Variants in SGCG observed in about 807,000 individuals in gnomAD.
SGCG encodes gamma-sarcoglycan.
A neutral mutation model predicts 29.3 loss-of-function variants in SGCG; 26 were observed. That is an observed-to-expected ratio of 0.89 (90% CI 0.65 to 1.23). SGCG has a LOEUF of 1.23. SGCG is among the 50% of genes most tolerant of loss of function. The pLI is 0.00. For synonymous variants in SGCG, 145 were observed against 129.7 expected (o/e 1.12, Z -0.80); for missense variants, 353 against 356.0 (o/e 0.99, Z 0.07).
intron 4 of SGCG, among the ~76,000 whole-genome samples, chr13:23,273,981 A>G (rs1164182207): frequency 6.6e-6 from 1 of 152,112 alleles, no homozygotes; most frequent in Non-Finnish European, 1.5e-5. Context: ...TAGCATTATT[A>G]GTGTGTTCTG....
At chr13:23,229,263 C>G (rs1325934755) in intron 2 of SGCG, among the ~76,000 whole-genome samples, 1 of 152,070 alleles carries the variant, frequency 6.6e-6, no homozygotes, top group East Asian at 1.9e-4. Context: ...GAACACAACG[C>G]ATGCATGTGT....
chr13:23,200,120 T>TA (rs950943062), intron 1 of SGCG, among the ~76,000 whole-genome samples: 5 of 98,002 alleles, frequency 5.1e-5, no homozygotes, highest in African/African-American at 1.5e-4. Context: ...GTTGTACGCT[T>TA]AAATAAAAAA....
chr13:23,289,061 T>C (rs1323131597), intron 5 of SGCG, among the ~76,000 whole-genome samples: 1 of 152,148 alleles, frequency 6.6e-6, no homozygotes, highest in Non-Finnish European at 1.5e-5. Context: ...AACAAAGTGT[T>C]CAGCAACTGA....
At chr13:23,176,329 G>C (rs1353437310), upstream of SGCG, among the ~76,000 whole-genome samples, 2 of 152,078 alleles carry the variant, frequency 1.3e-5, no homozygotes, top group African/African-American at 4.8e-5. Flanking sequence ...GGACAGCATA[G>C]ACAAGTAATG....
intron 5 of SGCG, among the ~76,000 whole-genome samples, chr13:23,293,742 G>T (rs911197140): frequency 3.3e-5 from 5 of 151,954 alleles, no homozygotes; most frequent in Non-Finnish European, 7.4e-5. Context: ...TGAGGCAGGA[G>T]AATTGCTTGA....
chr13:23,290,114 T>C (rs1881643313), intron 5 of SGCG, among the ~76,000 whole-genome samples: 1 of 152,176 alleles, frequency 6.6e-6, no homozygotes, highest in South Asian at 2.1e-4. Context: ...TTGTTTTGGT[T>C]GATGGCATTA....
intron 6 of SGCG, among the ~76,000 whole-genome samples, chr13:23,319,391 A>G (rs1407406831): frequency 6.6e-6 from 1 of 152,142 alleles, no homozygotes; most frequent in Non-Finnish European, 1.5e-5. Flanking sequence ...TAACTTGACC[A>G]ATAAATTCCA....
At chr13:23,276,114 T>A (rs1392678780) in intron 4 of SGCG, among the ~76,000 whole-genome samples, 2 of 152,128 alleles carry the variant, frequency 1.3e-5, no homozygotes, top group Non-Finnish European at 2.9e-5. Flanking sequence ...GAATTTAAAT[T>A]TTATTTCTTA....
chr13:23,207,612 C>G (rs192299908), intron 2 of SGCG, among the ~76,000 whole-genome samples: 147 of 152,158 alleles, frequency 9.7e-4, no homozygotes, highest in Non-Finnish European at 5.6e-4. Context: ...TCCTATAACT[C>G]AAGAGCAAAA....
chr13:23,165,967 A>G, the SGCG span, among the ~76,000 whole-genome samples: 1,137 of 152,284 alleles, frequency 7.5e-3, 7 homozygotes, highest in South Asian at 0.022. Context: ...TTTTCCAAAT[A>G]GGCAATCTTG....
At chr13:23,226,619 A>G (rs924641994) in intron 2 of SGCG, among the ~76,000 whole-genome samples, 10 of 152,254 alleles carry the variant, frequency 6.6e-5, no homozygotes, top group African/African-American at 9.6e-5. Flanking sequence ...ACTTATATTT[A>G]AAGGCAAAGG....
At chr13:23,277,824 G>A (rs537065956) in intron 4 of SGCG, among the ~76,000 whole-genome samples, 239 of 149,608 alleles carry the variant, frequency 1.6e-3, no homozygotes, top group Non-Finnish European at 2.0e-3. Context: ...TCAGCCTCCC[G>A]AGTAGTTGGG....
At chr13:23,316,731 T>C (rs1882828311) in intron 6 of SGCG, among the ~76,000 whole-genome samples, 2 of 152,198 alleles carry the variant, frequency 1.3e-5, no homozygotes, top group African/African-American at 4.8e-5. Context: ...CATTACGTTC[T>C]GCTGGCCTAG....
rs57400216 is a variant in SGCG, at chr13:23,299,447, TA to T, written c.578+3961del. On this transcript the variant is annotated intron_variant, in intron 6 of 7. Transcript: ENST00000218867. Reference sequence around the variant, plus strand: ...ATATATATATATATATATATATATATATATATATATTTTTTTTTTTTTTTTA... The same window carrying T: ...ATATATATATATATATATATATATATTATATATATTTTTTTTTTTTTTTTA... Among the ~76,000 whole-genome samples the T allele has an allele frequency of 8.7e-3, 228 of 26,300 alleles. 6 individuals are homozygous for T. The highest frequency in any genetic ancestry group is 0.023 in the Middle Eastern group (2 of 86). 17.3% of individuals were successfully genotyped at this position (26,300 alleles called of 152,430 possible).
chr13:23,272,106 A>G (rs1295417968), intron 4 of SGCG, among the ~76,000 whole-genome samples: 1 of 152,198 alleles, frequency 6.6e-6, no homozygotes, highest in African/African-American at 2.4e-5. Flanking sequence ...GCAAATATAC[A>G]ATGTTACTTT....
intron 3 of SGCG, among the ~76,000 whole-genome samples, chr13:23,239,153 T>C (rs992372349): frequency 6.6e-6 from 1 of 151,908 alleles, no homozygotes; most frequent in African/African-American, 2.4e-5. Context: ...CAAGGAAAAC[T>C]ACAAGGTACA....
intron 7 of SGCG, among the ~76,000 whole-genome samples, chr13:23,321,741 C>T (rs1192699558): frequency 1.3e-5 from 2 of 151,640 alleles, no homozygotes. Flanking sequence ...TAATATTATC[C>T]AGACCAAAGT....
chr13:23,200,104 T>C (rs183063054), intron 1 of SGCG, among the ~76,000 whole-genome samples: 1 of 143,566 alleles, frequency 7.0e-6, no homozygotes. Context: ...ACCTATTTTA[T>C]TGCTTGTTGT....
At chr13:23,257,064 C>T (rs570874407) in intron 4 of SGCG, among the ~76,000 whole-genome samples, 75 of 152,052 alleles carry the variant, frequency 4.9e-4, no homozygotes, top group Non-Finnish European at 8.8e-4. Context: ...TGTTAGTGAT[C>T]GCCATTCCAA....
Sources: allele counts gnomAD v4.1 joint callset (sites outside exome capture counted in the v4.1 genomes callset), GRCh38; gene constraint gnomAD v4.1.1; transcripts MANE v1.5; gene names NCBI Gene and HGNC (gene_info 2026-07-23, HGNC 2026-07-21).